APIP: variants seen among roughly 807,000 people sequenced by gnomAD.
APIP encodes the protein APAF1 interacting protein.
In APIP, 32 loss-of-function variants were observed where a neutral mutation model predicts 32.0. That is an observed-to-expected ratio of 1.00 (90% CI 0.76 to 1.34). The LOEUF is 1.34. APIP is among the 40% of genes most tolerant of loss of function. The probability of loss-of-function intolerance (pLI) is 0.00; values close to 1 mark genes in which losing one functional copy is unlikely to be tolerated. For synonymous variants in APIP, 92 were observed against 94.8 expected (o/e 0.97, Z 0.17); for missense variants, 247 against 298.6 (o/e 0.83, Z 1.27).
chr11:34,888,672 T>C, intron 4 of APIP, 80 bp downstream of exon 4: 1 of 1,247,606 alleles, frequency 8.0e-7, no homozygotes, highest in Non-Finnish European at 1.1e-6. Flanking sequence ...CCAAGAAATG[T>C]TAACTGAAAT....
rs200854934 is a variant in APIP at position 34,888,704 on chromosome 11, G to A, written c.325+48C>T. 49 of 1,350,406 alleles carry A rather than the reference G, an allele frequency of 3.6e-5. No individual in the cohort carries two copies. The African/African-American group carries it at 7.0e-4, about 19-fold the overall frequency. The allele number at this position is 1,350,406 out of a possible 1,614,324, so 83.7% of individuals were successfully genotyped here. A position where few individuals can be genotyped will look rare whatever the true frequency, so the allele number is the denominator to read the frequency against. The stretch of plus-strand genomic sequence containing the variant: ...AAATAATAATTACCATTATTTAGAG[G>A]AGCCTACTCTGCAAATATTCTTTAT... On this transcript the variant is annotated intron_variant, in intron 4 of 6. Coordinates refer to ENST00000395787, the MANE Select transcript of APIP (RefSeq NM_015957.4).
At chr11:34,883,236 T>A (rs1477660964) in intron 6 of APIP, 101 bp downstream of exon 6, 3 of 1,253,726 alleles carry the variant, frequency 2.4e-6, no homozygotes, top group Non-Finnish European at 3.3e-6. Flanking sequence ...TATCTACAAA[T>A]AATGATAAAC....
chr11:34,882,379 T>C lies in APIP; in HGVS notation c.*338A>G, dbSNP rs1247283983. The C allele has an allele frequency of 6.4e-6, 1 of 157,324 alleles. No homozygotes were observed. The highest frequency in any genetic ancestry group is 1.4e-5 in the Non-Finnish European group (1 of 71,580). 9.7% of individuals were successfully genotyped at this position (157,324 alleles called of 1,614,324 possible). ...ATTCCACAATGAGGAAATTTTCTAA[T>C]GAATTTTATTATCACCAGCATCTTT... On this transcript the variant is annotated 3_prime_UTR_variant, in exon 7 of 7. Transcript: ENST00000395787.
rs568309218 is a variant in APIP, at chr11:34,895,155, A to G, written c.58-45T>C. 9 of 1,525,624 alleles carry G rather than the reference A, an allele frequency of 5.9e-6. No homozygotes were observed. In the East Asian group the frequency reaches 1.8e-4, roughly 30 times the overall value. The allele number at this position is 1,525,624 out of a possible 1,614,324, so 94.5% of individuals were successfully genotyped here. ...TTTTTAAAACAGACATCATTTTATC[A>G]AGTAACTATTCCAGCTGGTGTTTCT... On this transcript the variant is annotated intron_variant, in intron 1 of 6. Coordinates refer to ENST00000395787, the MANE Select transcript of APIP (RefSeq NM_015957.4).
At chr11:34,895,569 T>A (rs1397292752) in intron 1 of APIP, among the ~76,000 whole-genome samples, 1 of 152,262 alleles carries the variant, frequency 6.6e-6, no homozygotes, top group African/African-American at 2.4e-5. Flanking sequence ...TCAATTGTAT[T>A]TTTATTCCAA....
chr11:34,887,754 T>G (rs1262294697), intron 5 of APIP, among the ~76,000 whole-genome samples: 1 of 152,140 alleles, frequency 6.6e-6, no homozygotes, highest in Non-Finnish European at 1.5e-5. Flanking sequence ...ATTACTACAC[T>G]TTTGTGGACT....
intron 1 of APIP, among the ~76,000 whole-genome samples, chr11:34,907,274 A>G (rs979352481): frequency 6.6e-6 from 1 of 152,236 alleles, no homozygotes; most frequent in Non-Finnish European, 1.5e-5. Context: ...TTTTAACTAC[A>G]TTTTAAAGTA....
At chr11:34,909,115 G>A (rs954526798) in intron 1 of APIP, among the ~76,000 whole-genome samples, 2 of 152,146 alleles carry the variant, frequency 1.3e-5, no homozygotes, top group Non-Finnish European at 2.9e-5. Context: ...CTGTGAAGAT[G>A]CATTTGGAAG....
chr11:34,897,221 C>T (rs549194434), intron 1 of APIP, among the ~76,000 whole-genome samples: 5 of 152,268 alleles, frequency 3.3e-5, no homozygotes, highest in African/African-American at 1.2e-4. Context: ...AAATTAAAAA[C>T]TTGAGAATCT....
In APIP at chr11:34,899,842, T is replaced by G. The variant is rs185565492; in HGVS notation, c.58-4732A>C. Among the ~76,000 whole-genome samples, 14 of 152,350 alleles carry G rather than the reference T, an allele frequency of 9.2e-5. No homozygotes were observed. The East Asian group carries it at 2.3e-3, about 25-fold the overall frequency. ...TAGTTGGGGGACGCCCCCACTGTTT[T>G]CTTCTCCACCCTGGGTCATATACAG... is the stretch of plus-strand genomic sequence containing the variant. On this transcript the variant is annotated intron_variant, in intron 1 of 6. Transcript: ENST00000395787.
At chr11:34,886,978 A>G (rs535353179) in intron 5 of APIP, among the ~76,000 whole-genome samples, 1 of 152,286 alleles carries the variant, frequency 6.6e-6, no homozygotes, top group Admixed American at 6.5e-5. Flanking sequence ...TATATAAAAG[A>G]TAAACTTAAA....
intron 1 of APIP, among the ~76,000 whole-genome samples, chr11:34,898,891 C>T (rs1033727315): frequency 1.4e-5 from 2 of 143,032 alleles, no homozygotes; most frequent in African/African-American, 5.1e-5. Flanking sequence ...CTCCGCCTCC[C>T]GGGTTCACGC....
intron 1 of APIP, among the ~76,000 whole-genome samples, chr11:34,903,350 G>A (rs989441534): frequency 6.6e-6 from 1 of 152,212 alleles, no homozygotes; most frequent in African/African-American, 2.4e-5. Flanking sequence ...GTCACCAAAA[G>A]TGCATCTCTC....
intron 1 of APIP, chr11:34,896,936 ACTGAGGTCTAC>A: frequency 1.7e-6 from 1 of 582,752 alleles, no homozygotes; most frequent in Non-Finnish European, 2.8e-6. Flanking sequence ...TGGAGACCCC[ACTGAGGTCTAC>A]CTTCAAGGTA....
chr11:34,909,922 G>A (rs1489691526), intron 1 of APIP, among the ~76,000 whole-genome samples: 1 of 152,166 alleles, frequency 6.6e-6, no homozygotes, highest in South Asian at 2.1e-4. Context: ...GTAGGAAGGT[G>A]AGGAAGTTCA....
intron 1 of APIP, among the ~76,000 whole-genome samples, chr11:34,915,208 C>A (rs1273107780): frequency 6.6e-6 from 1 of 152,146 alleles, no homozygotes. Flanking sequence ...GGTACGGACA[C>A]TTCTCCATAC....
chr11:34,890,763 T>C, intron 2 of APIP: 1 of 414,818 alleles, frequency 2.4e-6, no homozygotes, highest in Non-Finnish European at 4.3e-6. Flanking sequence ...AGTTGTTGCT[T>C]TTGTCTTCTA....
intron 5 of APIP, among the ~76,000 whole-genome samples, chr11:34,885,665 T>C (rs1457560588): frequency 6.6e-6 from 1 of 152,164 alleles, no homozygotes; most frequent in Non-Finnish European, 1.5e-5. Flanking sequence ...GATTTCTCAA[T>C]GGATAACTTC....
chr11:34,916,039 C>A, intron 1 of APIP, 189 bp downstream of exon 1: 1 of 714,860 alleles, frequency 1.4e-6, no homozygotes, highest in South Asian at 1.9e-5. Context: ...GACCACTGAT[C>A]TCCTGGGGCC....
Sources: allele counts gnomAD v4.1 joint callset (sites outside exome capture counted in the v4.1 genomes callset), GRCh38; gene constraint gnomAD v4.1.1; transcripts MANE v1.5; gene names NCBI Gene and HGNC (gene_info 2026-07-23, HGNC 2026-07-21).